The following GLIPR1L2 variants were observed in gnomAD, a reference collection of about 807,000 sequenced individuals.
The protein encoded by GLIPR1L2 is GLIPR1 like 2, also known as GLIPR1-like protein 2.
GLIPR1L2 carries 21 observed loss-of-function variants against 28.4 expected under a neutral mutation model. The observed-to-expected ratio is 0.74, with a 90% CI of 0.52 to 1.06. The LOEUF is 1.06. Among genes scored for constraint, GLIPR1L2 ranks in the 50% least tolerant of loss-of-function variants. The probability of loss-of-function intolerance (pLI) is 0.00; values close to 1 mark genes in which losing one functional copy is unlikely to be tolerated. For missense variants in GLIPR1L2, 476 were observed against 416.9 expected, an observed-to-expected ratio of 1.14 and a Z score of -1.23; for synonymous variants, 145 against 139.3, an observed-to-expected ratio of 1.04 and a Z score of -0.29.
chr12:75,416,956 C>T (rs1426434640), intron 3 of GLIPR1L2, among the ~76,000 whole-genome samples: 2 of 151,902 alleles, frequency 1.3e-5, no homozygotes, highest in Non-Finnish European at 2.9e-5. Context: ...AAAATCAATC[C>T]ATTACAATAT....
chr12:75,410,378 T>C (rs1253257523), intron 1 of GLIPR1L2, 56 bp from the exon 2 acceptor site: 5 of 1,409,054 alleles, frequency 3.5e-6, no homozygotes, highest in Non-Finnish European at 4.7e-6. Context: ...GAAAAAATAT[T>C]TTAGACTACA....
chr12:75,429,343 G>A (rs1471949512), intron 4 of GLIPR1L2, among the ~76,000 whole-genome samples: 1 of 152,212 alleles, frequency 6.6e-6, no homozygotes, highest in Non-Finnish European at 1.5e-5. Context: ...CTTGCATGGG[G>A]CCTGTAGCCC....
At chr12:75,410,303 T>C (rs2045851874) in intron 1 of GLIPR1L2, 131 bp from the exon 2 acceptor site, 3 of 823,990 alleles carry the variant, frequency 3.6e-6, no homozygotes, top group Admixed American at 3.6e-5. Context: ...CCAGCAGAAA[T>C]TTCTCAACCA....
chr12:75,425,482 A>G (rs1293994843), intron 4 of GLIPR1L2, among the ~76,000 whole-genome samples: 3 of 152,164 alleles, frequency 2.0e-5, no homozygotes, highest in Non-Finnish European at 1.5e-5. Context: ...TAAGGAAGGA[A>G]TCCACACATG....
chr12:75,414,854 A>C (rs2045908683), intron 3 of GLIPR1L2, among the ~76,000 whole-genome samples: 1 of 152,120 alleles, frequency 6.6e-6, no homozygotes, highest in South Asian at 2.1e-4. Flanking sequence ...AACAAGACGC[A>C]AAAAGACACC....
intron 4 of GLIPR1L2, among the ~76,000 whole-genome samples, chr12:75,428,654 C>G (rs796332409): frequency 2.1e-4 from 32 of 152,304 alleles, no homozygotes; most frequent in African/African-American, 6.7e-4. Flanking sequence ...TTCATGGCAG[C>G]CCCTCCCATC....
At chr12:75,425,389 G>A (rs1415492888) in intron 4 of GLIPR1L2, among the ~76,000 whole-genome samples, 2 of 152,136 alleles carry the variant, frequency 1.3e-5, no homozygotes, top group Non-Finnish European at 2.9e-5. Context: ...TCACACATGA[G>A]GTGTCTGAGT....
At chr12:75,405,523 A>C (rs10879908) in intron 1 of GLIPR1L2, among the ~76,000 whole-genome samples, 79,298 of 151,880 alleles carry the variant, frequency 0.52, 20,854 homozygotes, top group East Asian at 0.58. Context: ...TGGTCAGCTG[A>C]GTAATTGATC....
chr12:75,405,646 AGTTTGCC>A (rs2045790068), intron 1 of GLIPR1L2, among the ~76,000 whole-genome samples: 1 of 38,452 alleles, frequency 2.6e-5, no homozygotes, highest in Admixed American at 3.2e-4. Flanking sequence ...GCAGTTTGTC[AGTTTGCC>A]AGTTTGCCAG....
chr12:75,394,431 C>T (rs1008706834), intron 1 of GLIPR1L2, among the ~76,000 whole-genome samples: 1 of 151,834 alleles, frequency 6.6e-6, no homozygotes, highest in African/African-American at 2.4e-5. Context: ...AGGTAAGGGT[C>T]CAGCTTATTC....
At chr12:75,430,402 A>G (rs1423007364) in intron 4 of GLIPR1L2, among the ~76,000 whole-genome samples, 1 of 152,222 alleles carries the variant, frequency 6.6e-6, no homozygotes, top group Non-Finnish European at 1.5e-5. Context: ...GAATCCTAGA[A>G]TGTTGGAGCT....
Position 75,419,411 on chromosome 12 carries a change from T to G in GLIPR1L2, c.585-3493T>G, listed in dbSNP as rs560260557. On this transcript the variant is annotated intron_variant, in intron 3 of 5. Transcript: ENST00000550916. ...CTATAAAAGTGACAACTATGGAGAA[T>G]TGGGAAGCATTTTGGTAGTAAAGAC... Among the ~76,000 whole-genome samples the G allele has an allele frequency of 7.2e-5, 11 of 152,226 alleles. No individual in the cohort carries two copies. In the East Asian group the frequency reaches 2.1e-3, roughly 29 times the overall value.
intron 3 of GLIPR1L2, among the ~76,000 whole-genome samples, chr12:75,420,483 C>T (rs2139957390): frequency 6.6e-6 from 1 of 152,270 alleles, no homozygotes; most frequent in South Asian, 2.1e-4. Flanking sequence ...GACACATGCT[C>T]TATAGGTAGC....
chr12:75,423,208 G>T, intron 4 of GLIPR1L2: 1 of 1,375,230 alleles, frequency 7.3e-7, no homozygotes, highest in Non-Finnish European at 9.3e-7. Flanking sequence ...TTCCCCTGAG[G>T]ACATACCAGA....
intron 1 of GLIPR1L2, among the ~76,000 whole-genome samples, chr12:75,398,050 G>T (rs1280336481): frequency 6.9e-6 from 1 of 144,710 alleles, no homozygotes; most frequent in Non-Finnish European, 1.5e-5. Flanking sequence ...AAAAAAAAAT[G>T]CCGGGAGCGG....
intron 1 of GLIPR1L2, among the ~76,000 whole-genome samples, chr12:75,406,723 A>G (rs1404039821): frequency 3.4e-5 from 5 of 146,334 alleles, no homozygotes; most frequent in African/African-American, 7.6e-5. Flanking sequence ...ACACTACTGC[A>G]TTCTAGCCTG....
chr12:75,398,349 A>C (rs1051281874), intron 1 of GLIPR1L2, among the ~76,000 whole-genome samples: 1 of 144,076 alleles, frequency 6.9e-6, no homozygotes, highest in Non-Finnish European at 1.6e-5. Flanking sequence ...AAAAAAAAAA[A>C]AACTTTTATC....
intron 3 of GLIPR1L2, among the ~76,000 whole-genome samples, chr12:75,422,296 T>G (rs375248541): frequency 6.8e-6 from 1 of 146,662 alleles, no homozygotes; most frequent in Non-Finnish European, 1.5e-5. Flanking sequence ...CCACCCAGCC[T>G]ACATCATTCT....
At chr12:75,426,859 G>A (rs1025322202) in intron 4 of GLIPR1L2, among the ~76,000 whole-genome samples, 1 of 152,130 alleles carries the variant, frequency 6.6e-6, no homozygotes, top group African/African-American at 2.4e-5. Flanking sequence ...CAGATGTTTT[G>A]GGAGCATGCA....
Sources: allele counts gnomAD v4.1 joint callset (sites outside exome capture counted in the v4.1 genomes callset), GRCh38; gene constraint gnomAD v4.1.1; transcripts MANE v1.5; gene names NCBI Gene and HGNC (gene_info 2026-07-23, HGNC 2026-07-21).